The following TBC1D1 variants were observed in gnomAD, a reference collection of about 807,000 sequenced individuals.
The protein encoded by TBC1D1 is TBC1 domain family member 1.
In TBC1D1, 89 loss-of-function variants were observed where a neutral mutation model predicts 125.6. The observed-to-expected ratio is 0.71, with a 90% CI of 0.60 to 0.85. TBC1D1 has a LOEUF of 0.85. TBC1D1 is among the 40% of genes least tolerant of loss of function. The probability of loss-of-function intolerance (pLI) is 0.00; values close to 1 mark genes in which losing one functional copy is unlikely to be tolerated. For missense variants in TBC1D1, 1,377 were observed against 1,469.2 expected (o/e 0.94, Z 1.03); for synonymous variants, 565 against 564.1 (o/e 1.00, Z -0.02).
intron 16 of TBC1D1, among the ~76,000 whole-genome samples, chr4:38,117,479 T>C (rs561577971): frequency 4.9e-4 from 74 of 152,244 alleles, no homozygotes; most frequent in Non-Finnish European, 9.8e-4. Flanking sequence ...ACACTTGTCT[T>C]CTTGTTTTAA....
intron 12 of TBC1D1, among the ~76,000 whole-genome samples, chr4:38,063,538 G>A (rs905143288): frequency 1.3e-5 from 2 of 152,146 alleles, no homozygotes; most frequent in Admixed American, 1.3e-4. Context: ...ATCCTATACA[G>A]TTTGTTCATT....
chr4:37,993,542 C>T (rs1578188949), intron 2 of TBC1D1, among the ~76,000 whole-genome samples: 1 of 152,234 alleles, frequency 6.6e-6, no homozygotes, highest in East Asian at 1.9e-4. Flanking sequence ...CCTCAACATA[C>T]AGTAGCACTC....
At chr4:38,034,123 A>G (rs1746749201) in intron 7 of TBC1D1, among the ~76,000 whole-genome samples, 1 of 152,254 alleles carries the variant, frequency 6.6e-6, no homozygotes, top group Non-Finnish European at 1.5e-5. Flanking sequence ...CCCGCCAACC[A>G]TAAATGGGAG....
intron 14 of TBC1D1, among the ~76,000 whole-genome samples, chr4:38,102,511 G>A (rs1312768823): frequency 1.3e-5 from 2 of 152,088 alleles, no homozygotes; most frequent in African/African-American, 4.8e-5. Flanking sequence ...GGAGAATAGG[G>A]GGTGGAAGTA....
At chr4:37,992,493 GTT>G (rs1006353203) in intron 2 of TBC1D1, among the ~76,000 whole-genome samples, 271 of 125,502 alleles carry the variant, frequency 2.2e-3, no homozygotes, top group African/African-American at 7.7e-3. Flanking sequence ...GAAGTCTGGT[GTT>G]TTTTTTTTTT....
At chr4:37,908,966 AT>A (rs1194942508) in intron 2 of TBC1D1, among the ~76,000 whole-genome samples, 1 of 152,194 alleles carries the variant, frequency 6.6e-6, no homozygotes, top group African/African-American at 2.4e-5. Flanking sequence ...CTTTTCTATG[AT>A]TCTTGGCAAT....
Position 37,935,727 on chromosome 4 carries a change from T to C in TBC1D1, c.417+33215T>C, listed in dbSNP as rs191870653. ...GTTTAAGCTCTTGCATGGATTCCGA[T>C]TGGTCTGAGAATCAAGCTGTGGAAA... On this transcript the variant is annotated intron_variant, in intron 2 of 19. Transcript: ENST00000261439. 3.2e-4 allele frequency among the ~76,000 whole-genome samples: 49 copies of C among 152,300 alleles called. No homozygotes were observed. The East Asian group carries it at 7.5e-3, about 23-fold the overall frequency.
At chr4:38,035,786 A>G (rs2152457912) in intron 8 of TBC1D1, 88 bp downstream of exon 8, 3 of 966,372 alleles carry the variant, frequency 3.1e-6, no homozygotes, top group Admixed American at 4.8e-5. Flanking sequence ...TGAAACTCTG[A>G]TACCTTTTTT....
intron 12 of TBC1D1, among the ~76,000 whole-genome samples, chr4:38,087,859 AAAAG>A (rs1757776918): frequency 1.5e-5 from 2 of 131,352 alleles, no homozygotes; most frequent in Non-Finnish European, 3.2e-5. Context: ...AAAAAAAAAA[AAAAG>A]AAAAAAAAAA....
At chr4:38,018,222 G>C (rs914547716) in intron 3 of TBC1D1, 132 bp from the exon 4 acceptor site, 6 of 691,372 alleles carry the variant, frequency 8.7e-6, no homozygotes, top group Middle Eastern at 3.7e-4. Flanking sequence ...GAGGATAAGA[G>C]GGGACCTTTG....
intron 17 of TBC1D1, chr4:38,118,425 G>GGCGACC: frequency 1.9e-6 from 1 of 523,492 alleles, no homozygotes; most frequent in East Asian, 3.3e-5. Context: ...ATGTGGATCC[G>GGCGACC]ATCCGTGTAG....
rs992632869 is a variant in TBC1D1, at chr4:37,900,078, G to A, written c.-93-1925G>A. 3.4e-5 allele frequency among the ~76,000 whole-genome samples: 5 copies of A among 148,994 alleles called. No homozygotes were observed. The East Asian group carries it at 5.9e-4, about 18-fold the overall frequency. The stretch of plus-strand genomic sequence containing the variant: ...GGAGCTTGCAGTGAGCCGAGATCGC[G>A]CCACTGCACTCCAGCCTGGGCGACA... On this transcript the variant is annotated intron_variant, in intron 1 of 19. Coordinates refer to ENST00000261439, the MANE Select transcript of TBC1D1 (RefSeq NM_015173.4).
In TBC1D1 at chr4:38,015,066, C is replaced by T. The variant is rs553208443; in HGVS notation, c.882+93C>T. ...TGGAGCGAAGATTCTTAGTCAATTGCTTTTGATTTATGTGTGAATCCATAT... is the reference window on the plus strand; with the variant it reads ...TGGAGCGAAGATTCTTAGTCAATTGTTTTTGATTTATGTGTGAATCCATAT... On this transcript the variant is annotated intron_variant, in intron 3 of 19. Coordinates refer to ENST00000261439, the MANE Select transcript of TBC1D1 (RefSeq NM_015173.4). The T allele has an allele frequency of 1.3e-4, 137 of 1,063,950 alleles. No individual in the cohort carries two copies. In the African/African-American group the frequency reaches 1.8e-3, roughly 14 times the overall value. The allele number at this position is 1,063,950 out of a possible 1,614,324, so 65.9% of individuals were successfully genotyped here. A position where few individuals can be genotyped will look rare whatever the true frequency, so the allele number is the denominator to read the frequency against.
At chr4:37,932,837 A>G (rs1424209396) in intron 2 of TBC1D1, among the ~76,000 whole-genome samples, 2 of 152,158 alleles carry the variant, frequency 1.3e-5, no homozygotes, top group Non-Finnish European at 2.9e-5. Flanking sequence ...GTGGGAGATC[A>G]TTTGAGGTCA....
intron 2 of TBC1D1, among the ~76,000 whole-genome samples, chr4:37,983,523 AT>A: frequency 6.6e-6 from 1 of 152,002 alleles, no homozygotes; most frequent in East Asian, 1.9e-4. Context: ...AATATACTTT[AT>A]TTTTTAGAGC....
At position 38,102,648 on chromosome 4, in the gene TBC1D1, G is replaced by A. The variant is rs115941252; in HGVS notation, c.2399-351G>A. Among the ~76,000 whole-genome samples the A allele has an allele frequency of 2.0e-3, 308 of 152,162 alleles. 2 individuals are homozygous for A. The highest frequency in any genetic ancestry group is 3.4e-3 in the Middle Eastern group (1 of 294). On this transcript the variant is annotated intron_variant, in intron 14 of 19. Transcript: ENST00000261439. The stretch of plus-strand genomic sequence containing the variant: ...TAATCCCAGGACTTTGGAGGCTGAG[G>A]CAGGAGTATCGCTTGAGCCCAGGAG...
intron 13 of TBC1D1, among the ~76,000 whole-genome samples, chr4:38,093,744 A>C (rs1758850957): frequency 6.6e-6 from 1 of 152,016 alleles, no homozygotes; most frequent in African/African-American, 2.4e-5. Flanking sequence ...TGTTGGCCAG[A>C]ATGGTCTCGA....
chr4:37,982,590 T>C (rs181906045), intron 2 of TBC1D1, among the ~76,000 whole-genome samples: 1 of 152,294 alleles, frequency 6.6e-6, no homozygotes, highest in Non-Finnish European at 1.5e-5. Context: ...GAACTCTAGT[T>C]GCTTAGAGTG....
intron 2 of TBC1D1, among the ~76,000 whole-genome samples, chr4:37,949,585 A>G (rs1727409071): frequency 6.6e-6 from 1 of 152,196 alleles, no homozygotes; most frequent in Non-Finnish European, 1.5e-5. Flanking sequence ...AAAATCCCTT[A>G]GCAGTGCTAG....
Sources: allele counts gnomAD v4.1 joint callset (sites outside exome capture counted in the v4.1 genomes callset), GRCh38; gene constraint gnomAD v4.1.1; transcripts MANE v1.5; gene names NCBI Gene and HGNC (gene_info 2026-07-23, HGNC 2026-07-21).